Variants in DENND5B observed in about 807,000 individuals in gnomAD.
DENND5B encodes the protein DENN domain containing 5B.
DENND5B carries 34 observed loss-of-function variants against 140.6 expected under a neutral mutation model. The ratio of observed to expected loss-of-function variants is 0.24; its 90% CI spans 0.18 to 0.32. The LOEUF is 0.32. Ranked by LOEUF, DENND5B falls within the 10% of genes least tolerant of loss-of-function variation. The pLI is 1.00. For missense variants in DENND5B, 1,142 were observed against 1,560.2 expected, an observed-to-expected ratio of 0.73 and a Z score of 4.52; for synonymous variants, 551 against 562.1, an observed-to-expected ratio of 0.98 and a Z score of 0.28.
intron 1 of DENND5B, among the ~76,000 whole-genome samples, chr12:31,582,421 T>C (rs1211064000): frequency 6.6e-6 from 1 of 152,152 alleles, no homozygotes; most frequent in Non-Finnish European, 1.5e-5. Flanking sequence ...CATTCATACA[T>C]TCCTTTAAAA....
At chr12:31,420,103 AAGAACTG>A in intron 11 of DENND5B, 1 of 969,910 alleles carries the variant, frequency 1.0e-6, no homozygotes. Context: ...TGCAAAGTTT[AAGAACTG>A]GCTCAACGTT....
rs57460264 is a variant in DENND5B at position 31,545,950 on chromosome 12, C to CAAAAAAAAAAAAAAAAAAAA, written c.127+44736_127+44755dup. Among the ~76,000 whole-genome samples, 30 of 36,384 alleles carry CAAAAAAAAAAAAAAAAAAAA rather than the reference C, an allele frequency of 8.2e-4. 4 individuals carry two copies. The highest frequency in any genetic ancestry group is 1.2e-3 in the African/African-American group (8 of 6,952). The allele number at this position is 36,384 out of a possible 152,430, so 23.9% of individuals were successfully genotyped here. A position where few individuals can be genotyped will look rare whatever the true frequency, so the allele number is the denominator to read the frequency against. On this transcript the variant is annotated intron_variant, in intron 1 of 20. Transcript: ENST00000389082. ...TGGGTGAGAGAGTAAGACACTGTCT[C>CAAAAAAAAAAAAAAAAAAAA]AAAAAAAAAAAAAAAAAAAAAGTGG... is the stretch of plus-strand genomic sequence containing the variant.
chr12:31,591,016 CGCGGG>C lies in DENND5B; in HGVS notation c.-189_-185del. 1.8e-6 allele frequency: 1 copy of C among 553,630 alleles called. No individual in the cohort carries two copies. The highest frequency in any genetic ancestry group is 6.3e-5 in the Admixed American group (1 of 15,950). 34.3% of individuals were successfully genotyped at this position (553,630 alleles called of 1,614,324 possible). A position where few individuals can be genotyped will look rare whatever the true frequency, so the allele number is the denominator to read the frequency against. The stretch of plus-strand genomic sequence containing the variant: ...CCTCGCTCGGCGCGGGGGAAGCGGC[CGCGGG>C]CTCGCGCGCGGCGGGTCCGGAGCCC... On this transcript the variant is annotated 5_prime_UTR_variant, in exon 1 of 21. Coordinates refer to ENST00000389082, the MANE Select transcript of DENND5B (RefSeq NM_144973.4).
At chr12:31,489,110 T>A (rs1946418734) in intron 2 of DENND5B, among the ~76,000 whole-genome samples, 1 of 152,160 alleles carries the variant, frequency 6.6e-6, no homozygotes. Flanking sequence ...ATAACCACAC[T>A]CTGGTCAACA....
intron 11 of DENND5B, among the ~76,000 whole-genome samples, chr12:31,417,616 A>AT (rs376766397): frequency 6.6e-5 from 10 of 152,038 alleles, no homozygotes; most frequent in Non-Finnish European, 1.3e-4. Context: ...TAATTTTTGT[A>AT]TTTTTTGTAG....
At chr12:31,472,963 AG>A (rs1279171094) in intron 3 of DENND5B, among the ~76,000 whole-genome samples, 1 of 151,808 alleles carries the variant, frequency 6.6e-6, no homozygotes, top group East Asian at 1.9e-4. Context: ...AAAAAAAGAT[AG>A]GGTCTCACTG....
At chr12:31,513,449 C>T (rs1179987886) in intron 1 of DENND5B, among the ~76,000 whole-genome samples, 1 of 152,192 alleles carries the variant, frequency 6.6e-6, no homozygotes, top group Admixed American at 6.5e-5. Flanking sequence ...TGGAATTCTT[C>T]TGTAAGGGAG....
rs769634811 is a variant in DENND5B at position 31,426,389 on chromosome 12, G to A, written c.2142C>T (p.Asn714=). 9.6e-5 allele frequency: 154 copies of A among 1,612,456 alleles called. No homozygotes were observed. Among genetic ancestry groups the A allele is most frequent in the Non-Finnish European group, 1.3e-4 (153 of 1,179,170 alleles). Residue 714 remains asparagine, a synonymous_variant, in exon 9 of 21, where the codon AAC becomes AAT. Transcript: ENST00000389082. ...GGTCTGACAGTTTGGGTTGCCTCAG[G>A]TTTTTTCCTAAACTTCGTGCCTCTT... ...YMQEARSLGK[N]LRQPKLSDLS... is the part of the protein sequence containing the mutation.
At chr12:31,462,036 T>A (rs1481036286) in intron 3 of DENND5B, among the ~76,000 whole-genome samples, 3 of 152,220 alleles carry the variant, frequency 2.0e-5, no homozygotes, top group Non-Finnish European at 4.4e-5. Flanking sequence ...TTACTTAAAA[T>A]TTTCCTTATT....
Position 31,398,224 on chromosome 12 carries a change from G to A in DENND5B, c.3207C>T (p.Pro1069=). The A allele has an allele frequency of 6.2e-7, 1 of 1,605,298 alleles. No homozygotes were observed. Among genetic ancestry groups the A allele is most frequent in the Non-Finnish European group, 8.5e-7 (1 of 1,176,112 alleles). Residue 1069 remains proline, a synonymous_variant, in exon 17 of 21, where the codon CCC becomes CCT. Coordinates refer to ENST00000389082, the MANE Select transcript of DENND5B (RefSeq NM_144973.4). ...QCRTPPQQKS[P]TTARRLSITS... ...TGATGCTCAATCTCCTAGCCGTGGT[G>A]GGTGACTTCTGCTGGGGTGGAGTCC... is the stretch of plus-strand genomic sequence containing the variant.
chr12:31,542,303 A>G (rs1270577383), intron 1 of DENND5B, among the ~76,000 whole-genome samples: 3 of 151,924 alleles, frequency 2.0e-5, no homozygotes, highest in Non-Finnish European at 4.4e-5. Context: ...AAAAAAAAAA[A>G]AATTAAAACA....
chr12:31,508,517 T>C (rs1242007911), intron 1 of DENND5B, among the ~76,000 whole-genome samples: 4 of 152,220 alleles, frequency 2.6e-5, no homozygotes, highest in African/African-American at 9.6e-5. Context: ...TATGAAATTA[T>C]CCTAACATGA....
chr12:31,581,759 C>T (rs1950215489), intron 1 of DENND5B, among the ~76,000 whole-genome samples: 1 of 151,746 alleles, frequency 6.6e-6, no homozygotes, highest in Non-Finnish European at 1.5e-5. Flanking sequence ...GATTTTCTCC[C>T]TTTCCTGGTG....
chr12:31,490,951 A>G (rs1474347789), intron 2 of DENND5B, among the ~76,000 whole-genome samples: 4 of 152,170 alleles, frequency 2.6e-5, no homozygotes, highest in East Asian at 1.9e-4. Flanking sequence ...ATGATGTTTC[A>G]TTAGGACAGA....
intron 1 of DENND5B, among the ~76,000 whole-genome samples, chr12:31,528,146 A>G (rs1948151747): frequency 6.6e-6 from 1 of 152,260 alleles, no homozygotes; most frequent in African/African-American, 2.4e-5. Context: ...TCTGGAGGCC[A>G]GAAGTCAGAA....
intron 1 of DENND5B, among the ~76,000 whole-genome samples, chr12:31,550,191 T>C (rs899943011): frequency 8.0e-5 from 12 of 149,508 alleles, no homozygotes; most frequent in African/African-American, 2.9e-4. Context: ...ATTAGGTATA[T>C]CTCCTAATGC....
intron 3 of DENND5B, among the ~76,000 whole-genome samples, chr12:31,469,154 G>C (rs768053875): frequency 3.3e-5 from 5 of 151,996 alleles, no homozygotes; most frequent in Admixed American, 6.6e-5. Context: ...GGCCAACGTG[G>C]TGTAACTTGT....
At chr12:31,417,370 A>G (rs1409092690) in intron 11 of DENND5B, among the ~76,000 whole-genome samples, 1 of 151,408 alleles carries the variant, frequency 6.6e-6, no homozygotes, top group Non-Finnish European at 1.5e-5. Flanking sequence ...AAAAAAAAAA[A>G]AAAAAAAAAA....
chr12:31,528,608 C>CG (rs1022590295), intron 1 of DENND5B, among the ~76,000 whole-genome samples: 6 of 152,198 alleles, frequency 3.9e-5, no homozygotes, highest in African/African-American at 1.4e-4. Context: ...AGACCAAACA[C>CG]GGAGTATGAT....
Sources: gnomAD v4.1 joint callset for allele counts (sites outside exome capture counted in the v4.1 genomes callset) on GRCh38, gnomAD v4.1.1 for gene constraint, MANE v1.5 for transcripts, NCBI Gene and HGNC (gene_info 2026-07-23, HGNC 2026-07-21) for gene names.